PI4KA: variants seen among roughly 807,000 people sequenced by gnomAD.
PI4KA encodes phosphatidylinositol 4-kinase alpha.
PI4KA carries 122 observed loss-of-function variants against 271.4 expected under a neutral mutation model. The ratio of observed to expected loss-of-function variants is 0.45; its 90% CI spans 0.39 to 0.52. PI4KA has a LOEUF of 0.52. Ranked by LOEUF, PI4KA falls within the 20% of genes least tolerant of loss-of-function variation. The pLI is 0.00. For missense variants in PI4KA, 1,969 were observed against 2,769.1 expected (o/e 0.71, Z 6.48); for synonymous variants, 1,041 against 1,078.8 (o/e 0.96, Z 0.69).
At chr22:20,751,937 C>T (rs1185041228) in intron 25 of PI4KA, among the ~76,000 whole-genome samples, 182 bp from the exon 26 acceptor site, 3 of 152,158 alleles carry the variant, frequency 2.0e-5, no homozygotes, top group Non-Finnish European at 1.5e-5. Context: ...AGGTGAGCAA[C>T]GCCTGGTCAG....
chr22:20,719,887 G>T (rs1041072154), intron 43 of PI4KA, among the ~76,000 whole-genome samples: 13 of 152,034 alleles, frequency 8.6e-5, no homozygotes, highest in Non-Finnish European at 1.6e-4. Flanking sequence ...ATTAGCAGGC[G>T]TGGTGGCAGG....
At chr22:20,757,034 G>A (rs909994936) in intron 23 of PI4KA, among the ~76,000 whole-genome samples, 2 of 152,204 alleles carry the variant, frequency 1.3e-5, no homozygotes, top group African/African-American at 4.8e-5. Flanking sequence ...GGGCAGGTGA[G>A]CAGCAGGCTC....
chr22:20,846,597 C>T (rs1168868263), intron 1 of PI4KA, among the ~76,000 whole-genome samples: 4 of 152,132 alleles, frequency 2.6e-5, no homozygotes, highest in South Asian at 2.1e-4. Context: ...AATCCCAGCA[C>T]TTTGGGAGGC....
chr22:20,798,205 C>T (rs1163101704), intron 17 of PI4KA, among the ~76,000 whole-genome samples: 2 of 152,154 alleles, frequency 1.3e-5, no homozygotes, highest in Non-Finnish European at 2.9e-5. Flanking sequence ...CCCTAACATC[C>T]AAGCTAGAGA....
At chr22:20,768,454 T>C (rs888164593) in intron 19 of PI4KA, among the ~76,000 whole-genome samples, 2 of 152,128 alleles carry the variant, frequency 1.3e-5, no homozygotes, top group Non-Finnish European at 2.9e-5. Context: ...AACGTATAAA[T>C]AATATGATAT....
chr22:20,820,449 T>C (rs1483834099), intron 5 of PI4KA, 90 bp downstream of exon 5: 3 of 848,120 alleles, frequency 3.5e-6, no homozygotes, highest in Admixed American at 2.3e-5. Context: ...TCATATATAT[T>C]AGGTACCCAA....
intron 8 of PI4KA, among the ~76,000 whole-genome samples, chr22:20,811,607 C>CAAAAAAA (rs1185062165): frequency 5.3e-5 from 6 of 112,408 alleles, no homozygotes; most frequent in Admixed American, 1.8e-4. Flanking sequence ...TGCAGAACCA[C>CAAAAAAA]AAAAAAAAAA....
intron 19 of PI4KA, chr22:20,779,155 T>TCC: frequency 3.9e-6 from 6 of 1,535,982 alleles, no homozygotes; most frequent in Non-Finnish European, 5.2e-6. Context: ...TCTCTTAAAG[T>TCC]CCATGATCCT....
chr22:20,739,341 A>C (rs1374236023), intron 32 of PI4KA, among the ~76,000 whole-genome samples: 1 of 151,338 alleles, frequency 6.6e-6, no homozygotes, highest in African/African-American at 2.4e-5. Context: ...TCCATCTCAA[A>C]AAAAAAAAAC....
At chr22:20,856,299 G>A (rs1008938944) in intron 1 of PI4KA, among the ~76,000 whole-genome samples, 5 of 152,070 alleles carry the variant, frequency 3.3e-5, no homozygotes, top group Non-Finnish European at 2.9e-5. Context: ...GCAACAGAGC[G>A]AGACTCCCTC....
chr22:20,777,878 AC>A (rs1933428892), intron 19 of PI4KA, among the ~76,000 whole-genome samples: 2 of 152,200 alleles, frequency 1.3e-5, no homozygotes, highest in South Asian at 4.1e-4. Context: ...AGTCAGAGGA[AC>A]AAATAAAGAC....
chr22:20,712,896 G>A lies in PI4KA; in HGVS notation c.5572-99C>T, dbSNP rs928453754. 5.8e-6 allele frequency: 9 copies of A among 1,543,888 alleles called. No individual in the cohort carries two copies. The Admixed American group carries it at 1.2e-4, about 20-fold the overall frequency. On this transcript the variant is annotated intron_variant, in intron 48 of 54. Coordinates refer to ENST00000255882, the MANE Select transcript of PI4KA (RefSeq NM_058004.4). ...GGCAAAAGCCAAGCACCCAGAGATGGAGTGAGGTGGGGAGACCACAGCCGA... is the reference window on the plus strand; with the variant it reads ...GGCAAAAGCCAAGCACCCAGAGATGAAGTGAGGTGGGGAGACCACAGCCGA...
chr22:20,751,200 TG>T, intron 27 of PI4KA, 92 bp downstream of exon 27: 1 of 989,000 alleles, frequency 1.0e-6, no homozygotes, highest in Non-Finnish European at 1.5e-6. Context: ...TGCTGGGGAC[TG>T]GGTGAGCTCA....
At chr22:20,833,468 C>T (rs1243938563) in intron 3 of PI4KA, among the ~76,000 whole-genome samples, 4 of 152,230 alleles carry the variant, frequency 2.6e-5, no homozygotes, top group Middle Eastern at 3.4e-3. Context: ...CAGTGGTGCA[C>T]GGCCGCTGGG....
chr22:20,753,572 AAC>A (rs1238342130), intron 23 of PI4KA, among the ~76,000 whole-genome samples: 2 of 152,158 alleles, frequency 1.3e-5, no homozygotes, highest in African/African-American at 4.8e-5. Context: ...ACTTTTGAAG[AAC>A]AGTTATTTTG....
At position 20,848,892 on chromosome 22, in the gene PI4KA, T is replaced by C. The variant is rs144317741; in HGVS notation, c.156+9678A>G. On this transcript the variant is annotated intron_variant, in intron 1 of 54. Transcript: ENST00000255882. Reference sequence around the variant, plus strand: ...ACTTCAAAGAACACCATGAAGAAAGTGAAAAAGCCCACAGAATGGGAGAAA... The same window carrying C: ...ACTTCAAAGAACACCATGAAGAAAGCGAAAAAGCCCACAGAATGGGAGAAA... Among the ~76,000 whole-genome samples the C allele has an allele frequency of 1.8e-3, 267 of 152,002 alleles. 1 individual carries two copies. The highest frequency in any genetic ancestry group is 3.1e-3 in the Non-Finnish European group (210 of 67,972).
intron 19 of PI4KA, among the ~76,000 whole-genome samples, chr22:20,791,557 G>A (rs551108693): frequency 6.6e-6 from 1 of 152,210 alleles, no homozygotes; most frequent in East Asian, 1.9e-4. Context: ...AGAAGTTCGA[G>A]ACAAGCCTGG....
chr22:20,807,750 C>G (rs1935750563), intron 9 of PI4KA, among the ~76,000 whole-genome samples: 1 of 152,124 alleles, frequency 6.6e-6, no homozygotes, highest in Non-Finnish European at 1.5e-5. Flanking sequence ...CTTTGGCCAT[C>G]ATTGGCCCAG....
chr22:20,824,209 T>G (rs1042548168), intron 4 of PI4KA, 117 bp downstream of exon 4: 2 of 738,232 alleles, frequency 2.7e-6, no homozygotes, highest in African/African-American at 3.5e-5. Flanking sequence ...CAGGATGAAA[T>G]AGATAAATAT....
Sources: gnomAD v4.1 joint callset for allele counts (sites outside exome capture counted in the v4.1 genomes callset) on GRCh38, gnomAD v4.1.1 for gene constraint, MANE v1.5 for transcripts, NCBI Gene and HGNC (gene_info 2026-07-23, HGNC 2026-07-21) for gene names.